HECTD2: variants seen among roughly 807,000 people sequenced by gnomAD.
The protein encoded by HECTD2 is HECT domain E3 ubiquitin protein ligase 2.
Under a neutral mutation model 103.2 loss-of-function variants are expected in HECTD2, and 35 were observed. The observed-to-expected ratio is 0.34, with a 90% CI of 0.26 to 0.45. The LOEUF (loss-of-function observed/expected upper bound fraction) is 0.45. Among genes scored for constraint, HECTD2 ranks in the 20% least tolerant of loss-of-function variants. The pLI is 1.00. For synonymous variants in HECTD2, 281 were observed against 329.9 expected, an observed-to-expected ratio of 0.85 and a Z score of 1.61; for missense variants, 596 against 937.4, an observed-to-expected ratio of 0.64 and a Z score of 4.76.
At chr10:91,419,322 A>G (rs12253137) in intron 1 of HECTD2, among the ~76,000 whole-genome samples, 30,503 of 152,154 alleles carry the variant, frequency 0.2, 7,267 homozygotes, top group African/African-American at 0.58. Context: ...CTGTTCCTCA[A>G]TAGAGGTTGA....
chr10:91,449,520 C>T (rs1001150333), intron 2 of HECTD2, among the ~76,000 whole-genome samples: 1 of 152,030 alleles, frequency 6.6e-6, no homozygotes, highest in Admixed American at 6.6e-5. Context: ...CTCCTATAAA[C>T]ATATTATTGG....
intron 5 of HECTD2, among the ~76,000 whole-genome samples, chr10:91,470,950 T>TG: frequency 6.6e-6 from 1 of 151,890 alleles, no homozygotes; most frequent in Admixed American, 6.6e-5. Flanking sequence ...ATCATCTTGA[T>TG]ATCATCTTTT....
chr10:91,497,456 ATTTTTTTTTT>A (rs34254753), intron 15 of HECTD2, among the ~76,000 whole-genome samples: 5 of 74,752 alleles, frequency 6.7e-5, no homozygotes, highest in East Asian at 4.9e-4. Flanking sequence ...ACACCTGGCT[ATTTTTTTTTT>A]TTTTTTTTTT....
chr10:91,501,676 C>G (rs537607557), intron 20 of HECTD2, among the ~76,000 whole-genome samples: 17 of 151,672 alleles, frequency 1.1e-4, no homozygotes, highest in African/African-American at 4.1e-4. Context: ...TTAGGAAAAT[C>G]ATTAAGTTGG....
At chr10:91,433,591 A>G (rs1010246817) in intron 2 of HECTD2, among the ~76,000 whole-genome samples, 7 of 151,982 alleles carry the variant, frequency 4.6e-5, no homozygotes, top group East Asian at 1.9e-4. Flanking sequence ...TCAGATTCCT[A>G]TTAAAATAAA....
At chr10:91,413,950 A>G (rs138337856) in intron 1 of HECTD2, among the ~76,000 whole-genome samples, 1 of 152,374 alleles carries the variant, frequency 6.6e-6, no homozygotes, top group East Asian at 1.9e-4. Flanking sequence ...TGAAGGGCTG[A>G]TGATGTGAAT....
intron 2 of HECTD2, among the ~76,000 whole-genome samples, chr10:91,458,970 A>G (rs1845227876): frequency 6.6e-6 from 1 of 151,998 alleles, no homozygotes; most frequent in Non-Finnish European, 1.5e-5. Flanking sequence ...ACATTTGCAA[A>G]CTATTTTAGT....
In HECTD2 at chr10:91,498,145, A is replaced by G; in HGVS notation, c.1718A>G (p.Glu573Gly). The part of the protein sequence containing the change: ...AHGLSELLSH[E>G]GNVEEDFYST... ...GGATTAAGTGAACTCTTATCACATGAAGGCAATGTTGAAGAAGATTTCTAT... is the reference window on the plus strand; with the variant it reads ...GGATTAAGTGAACTCTTATCACATGGAGGCAATGTTGAAGAAGATTTCTAT... Residue 573 changes from glutamate to glycine, a missense_variant, in exon 16 of 21, where the codon GAA (glutamate) becomes GGA (glycine). By Grantham distance (98) the Glu-to-Gly change is moderately conservative. Coordinates refer to ENST00000298068, the MANE Select transcript of HECTD2 (RefSeq NM_182765.6). The G allele has an allele frequency of 6.2e-7, 1 of 1,612,166 alleles. No homozygotes were observed. Among genetic ancestry groups the G allele is most frequent in the Admixed American group, 1.7e-5 (1 of 60,020 alleles).
At chr10:91,497,632 A>G (rs1019171288) in intron 15 of HECTD2, among the ~76,000 whole-genome samples, 51 of 152,022 alleles carry the variant, frequency 3.4e-4, no homozygotes, top group Non-Finnish European at 5.3e-4. Flanking sequence ...TTCTTTCAGT[A>G]TACTTAACTT....
At chr10:91,506,945 C>G (rs1258733208) in intron 20 of HECTD2, among the ~76,000 whole-genome samples, 1 of 150,340 alleles carries the variant, frequency 6.7e-6, no homozygotes. Flanking sequence ...TGGGCTTCAT[C>G]CCTGGGATGC....
Position 91,461,284 on chromosome 10 carries a change from A to G in HECTD2, c.438A>G (p.Gly146=). 1 of 1,546,658 alleles carries G rather than the reference A, an allele frequency of 6.5e-7. No homozygotes were observed. The change falls in exon 4 of 21, where the codon GGA becomes GGG. Residue 146 remains glycine (G), a synonymous_variant. Coordinates refer to ENST00000298068, the MANE Select transcript of HECTD2 (RefSeq NM_182765.6). ...ATGTAGAAAAAGTTAAGTCATCAGG[A>G]GATTGGAAAGCAGTACATGATTTTT... is the stretch of plus-strand genomic sequence containing the variant. ...QEDVEKVKSS[G]DWKAVHDFYL...
At chr10:91,439,038 C>G (rs1042296944) in intron 2 of HECTD2, among the ~76,000 whole-genome samples, 10 of 152,148 alleles carry the variant, frequency 6.6e-5, no homozygotes, top group South Asian at 4.1e-4. Context: ...CCTCTTCACT[C>G]TGATGATAGT....
chr10:91,449,397 AAAT>A (rs2133143693), intron 2 of HECTD2, among the ~76,000 whole-genome samples: 1 of 152,256 alleles, frequency 6.6e-6, no homozygotes, highest in South Asian at 2.1e-4. Flanking sequence ...GTGTTTCTCA[AAAT>A]AATAAGAACT....
At chr10:91,416,803 T>C (rs1394527379) in intron 1 of HECTD2, among the ~76,000 whole-genome samples, 2 of 152,186 alleles carry the variant, frequency 1.3e-5, no homozygotes, top group Non-Finnish European at 2.9e-5. Context: ...GTATTGCCTT[T>C]GCCTTTATAA....
intron 20 of HECTD2, among the ~76,000 whole-genome samples, chr10:91,511,202 GATGCT>G (rs1225149985): frequency 6.6e-6 from 1 of 152,122 alleles, no homozygotes; most frequent in Non-Finnish European, 1.5e-5. Context: ...CAGCTGTTCT[GATGCT>G]GTGAAGTTCA....
chr10:91,426,646 C>T (rs1008589645), intron 2 of HECTD2, among the ~76,000 whole-genome samples: 14 of 151,860 alleles, frequency 9.2e-5, no homozygotes, highest in Admixed American at 7.9e-4. Context: ...TTAGTTCACA[C>T]TCTAATTTCT....
intron 20 of HECTD2, among the ~76,000 whole-genome samples, chr10:91,508,536 C>A (rs1267301272): frequency 6.6e-6 from 1 of 151,022 alleles, no homozygotes; most frequent in Non-Finnish European, 1.5e-5. Context: ...CTCACCATCA[C>A]TGGCCATCAG....
At chr10:91,437,411 A>C (rs1844165571) in intron 2 of HECTD2, among the ~76,000 whole-genome samples, 1 of 152,042 alleles carries the variant, frequency 6.6e-6, no homozygotes, top group African/African-American at 2.4e-5. Flanking sequence ...CAAAAGAGAG[A>C]GCCAAGCACA....
intron 5 of HECTD2, among the ~76,000 whole-genome samples, chr10:91,471,556 A>C (rs549284539): frequency 7.2e-5 from 11 of 152,344 alleles, no homozygotes; most frequent in African/African-American, 2.4e-4. Context: ...TTCTATACCT[A>C]GAAAACCCCA....
Sources: allele counts gnomAD v4.1 joint callset (sites outside exome capture counted in the v4.1 genomes callset), GRCh38; gene constraint gnomAD v4.1.1; transcripts MANE v1.5; gene names NCBI Gene and HGNC (gene_info 2026-07-23, HGNC 2026-07-21).